The following DNAH10 variants were observed in gnomAD, a reference collection of about 807,000 sequenced individuals.
The protein encoded by DNAH10 is axonemal beta dynein heavy chain 10.
In DNAH10, 348 loss-of-function variants were observed where a neutral mutation model predicts 506.6. The ratio of observed to expected loss-of-function variants is 0.69; its 90% confidence interval spans 0.63 to 0.75. DNAH10 has a LOEUF of 0.75. Among genes scored for constraint, DNAH10 ranks in the 30% least tolerant of loss-of-function variants. The probability of loss-of-function intolerance (pLI) is 0.00; values close to 1 mark genes in which losing one functional copy is unlikely to be tolerated. For synonymous variants in DNAH10, 2,059 were observed against 2,198.6 expected, an observed-to-expected ratio of 0.94 and a Z score of 1.78; for missense variants, 5,179 against 5,787.1, an observed-to-expected ratio of 0.89 and a Z score of 3.41.
intron 53 of DNAH10, among the ~76,000 whole-genome samples, chr12:123,894,023 T>C (rs1343553985): frequency 6.6e-6 from 1 of 151,788 alleles, no homozygotes; most frequent in African/African-American, 2.4e-5. Context: ...CACCAACTTG[T>C]TGGCTATTGA....
intron 19 of DNAH10, among the ~76,000 whole-genome samples, chr12:123,809,329 C>T (rs1042610844): frequency 3.9e-5 from 6 of 152,196 alleles, no homozygotes; most frequent in Admixed American, 6.5e-5. Context: ...TCTCCACCAC[C>T]GGTGGTCAGA....
In DNAH10 at chr12:123,846,252, G is replaced by T. The variant is rs1950947416; in HGVS notation, c.5814+98G>T. On this transcript the variant is annotated intron_variant, in intron 32 of 78. Transcript: ENST00000673944. The surrounding 1 kb of genome is among the most constrained non-coding windows in gnomAD (Gnocchi z 4.5). ...ATGACTGCAGTGATTGAAATAGCAG[G>T]GGAGATCATTGCTTTGAAATCTCGA... 4.4e-6 allele frequency: 6 copies of T among 1,365,950 alleles called. No individual in the cohort carries two copies. The highest frequency in any genetic ancestry group is 1.5e-5 in the African/African-American group (1 of 68,642). 84.6% of individuals were successfully genotyped at this position (1,365,950 alleles called of 1,614,324 possible).
intron 23 of DNAH10, 108 bp downstream of exon 23, chr12:123,819,358 T>C (rs1334201118): frequency 2.5e-6 from 2 of 801,918 alleles, no homozygotes; most frequent in African/African-American, 3.5e-5. Flanking sequence ...GATTAAAATA[T>C]TTATTTCTTC....
At position 123,881,751 on chromosome 12, in the gene DNAH10, G is replaced by C; in HGVS notation, c.8761G>C (p.Gly2921Arg). Residue 2921 changes from glycine (G) to arginine (R), a missense_variant, in exon 51 of 79, where the codon GGG (glycine) becomes CGG (arginine). This residue lies in a region of DNAH10 where 4,844 missense variants were observed against 5,430.5 expected (regional missense o/e 0.89). Transcript: ENST00000673944. ...RMDRGHALLV[G>R]VGGSGKQSLS... The stretch of plus-strand genomic sequence containing the variant: ...GGACCGCGGCCACGCCCTGCTGGTC[G>C]GGGTAGGGGGCTCAGGGAAGCAGTC... 6.5e-7 allele frequency: 1 copy of C among 1,538,522 alleles called. No individual in the cohort carries two copies. Among genetic ancestry groups the C allele is most frequent in the Non-Finnish European group, 8.8e-7 (1 of 1,141,772 alleles).
rs1407654882 is a variant in DNAH10, at chr12:123,867,515, C to T, written c.7216C>T (p.Leu2406Phe). Residue 2406 changes from leucine (L) to phenylalanine (F), a missense_variant, in exon 42 of 79, where the codon CTC (leucine) becomes TTC (phenylalanine). Physicochemically the swap from Leu to Phe is conservative, Grantham distance 22 (BLOSUM62 0). Transcript: ENST00000673944. ...TCTCTTTGAGAAGTATGTGCCCTAT[C>T]TCATGGATGTGATAGTGGAAGGAAT... Reference protein sequence around the residue: ...NSLFEKYVPYLMDVIVEGIVD... With the variant: ...NSLFEKYVPYFMDVIVEGIVD... 6 of 1,613,816 alleles carry T rather than the reference C, an allele frequency of 3.7e-6. No individual in the cohort carries two copies. The highest frequency in any genetic ancestry group is 5.1e-6 in the Non-Finnish European group (6 of 1,179,882).
rs11057354 is a variant in DNAH10 at position 123,783,091 on chromosome 12, A to G, written c.842-16A>G. The G allele has an allele frequency of 0.9, 1,449,069 of 1,611,744 alleles. 652,724 individuals carry two copies. Among genetic ancestry groups the G allele is most frequent in the East Asian group, 1 (44,850 of 44,872 alleles). The stretch of plus-strand genomic sequence containing the variant: ...TTCCTGAACGAATGACTGACTGATC[A>G]CTTTTATTTTCCTAGGTGAGATCAA... On this transcript the variant is annotated splice_polypyrimidine_tract_variant and intron_variant, in intron 6 of 78. Coordinates refer to ENST00000673944, the MANE Select transcript of DNAH10 (RefSeq NM_001372106.1).
At chr12:123,838,010 G>A (rs1451842129) in intron 28 of DNAH10, among the ~76,000 whole-genome samples, 2 of 152,124 alleles carry the variant, frequency 1.3e-5, no homozygotes, top group African/African-American at 4.8e-5. Flanking sequence ...GGACATTGAG[G>A]CTATTTCTTT....
Position 123,762,519 on chromosome 12 carries a change from T to A in DNAH10, c.183T>A (p.Thr61=). ...CCTCGGCGCTCTTCATCTACCGCAC[T>A]ATGGTGCCGGAGGAGGTGGAGGTGG... The part of the protein sequence containing the change: ...EGPSALFIYR[T]MVPEEVEVEI... Residue 61 remains threonine, a synonymous_variant, in exon 1 of 79, where the codon ACT becomes ACA. Coordinates refer to ENST00000673944, the MANE Select transcript of DNAH10 (RefSeq NM_001372106.1). This position sits in a 1 kb window ranked among gnomAD's most constrained non-coding sequence, Gnocchi z 5.0. 6.4e-7 allele frequency: 1 copy of A among 1,555,782 alleles called. No homozygotes were observed. The highest frequency in any genetic ancestry group is 8.7e-7 in the Non-Finnish European group (1 of 1,150,612).
intron 51 of DNAH10, among the ~76,000 whole-genome samples, chr12:123,886,421 A>C (rs1330192791): frequency 6.6e-6 from 1 of 152,224 alleles, no homozygotes; most frequent in African/African-American, 2.4e-5. Context: ...GGCGACAGGC[A>C]GAACTGGAGA....
intron 24 of DNAH10, among the ~76,000 whole-genome samples, chr12:123,825,520 G>A (rs1316998461): frequency 6.6e-6 from 1 of 152,212 alleles, no homozygotes; most frequent in Non-Finnish European, 1.5e-5. Context: ...GAATCGTCAT[G>A]CTGAGCGAAA....
At chr12:123,829,116 A>G (rs1960270754) in intron 25 of DNAH10, among the ~76,000 whole-genome samples, 1 of 152,176 alleles carries the variant, frequency 6.6e-6, no homozygotes, top group Admixed American at 6.5e-5. Flanking sequence ...AGCAGCCCTC[A>G]CATCTGCCTT....
At chr12:123,874,606 C>CCCATCCAT (rs111763952) in intron 46 of DNAH10, among the ~76,000 whole-genome samples, 20,860 of 148,074 alleles carry the variant, frequency 0.14, 1,477 homozygotes, top group Admixed American at 0.17. Flanking sequence ...CATCCATCTA[C>CCCATCCAT]CCATCCATCC....
chr12:123,918,417 A>C (rs1044984110), intron 64 of DNAH10, among the ~76,000 whole-genome samples: 1 of 152,212 alleles, frequency 6.6e-6, no homozygotes. Context: ...GGAACCCCAT[A>C]TGGGAAGAAA....
intron 36 of DNAH10, among the ~76,000 whole-genome samples, chr12:123,854,329 C>G (rs1485569258): frequency 6.6e-6 from 1 of 152,166 alleles, no homozygotes; most frequent in Non-Finnish European, 1.5e-5. Flanking sequence ...ATGCCACTTT[C>G]AGTCTTAGCA....
At chr12:123,812,226 C>T (rs565034187) in intron 19 of DNAH10, among the ~76,000 whole-genome samples, 94 of 152,046 alleles carry the variant, frequency 6.2e-4, no homozygotes, top group Admixed American at 1.8e-3. Flanking sequence ...CCGAGGTGGG[C>T]GGATCACGAG....
At chr12:123,804,576 G>C (rs1431724665) in intron 17 of DNAH10, among the ~76,000 whole-genome samples, 1 of 151,826 alleles carries the variant, frequency 6.6e-6, no homozygotes, top group Non-Finnish European at 1.5e-5. Flanking sequence ...AGTCAACAAG[G>C]AATTCAAGAT....
chr12:123,921,359 T>G (rs1001108865), intron 65 of DNAH10, among the ~76,000 whole-genome samples: 6 of 152,254 alleles, frequency 3.9e-5, no homozygotes, highest in Admixed American at 6.5e-5. Context: ...ATATTTTCAG[T>G]ACGGTTTACC....
At position 123,902,455 on chromosome 12, in the gene DNAH10, C is replaced by T. The variant is rs920230206; in HGVS notation, c.9641-484C>T. Reference sequence around the variant, plus strand: ...AGTGGTGAAATGAAACTTCCGATTGCGATTGGTGTCATGAAGCAAGTCAGC... The same window carrying T: ...AGTGGTGAAATGAAACTTCCGATTGTGATTGGTGTCATGAAGCAAGTCAGC... On this transcript the variant is annotated intron_variant, in intron 56 of 78. Coordinates refer to ENST00000673944, the MANE Select transcript of DNAH10 (RefSeq NM_001372106.1). This position sits in a 1 kb window ranked among gnomAD's most constrained non-coding sequence, Gnocchi z 4.5. Among the ~76,000 whole-genome samples the T allele has an allele frequency of 5.3e-5, 8 of 152,184 alleles. No homozygotes were observed. The East Asian group carries it at 9.7e-4, about 18-fold the overall frequency.
chr12:123,916,335 A>G lies in DNAH10; in HGVS notation c.10723-122A>G, dbSNP rs1314561838. On this transcript the variant is annotated intron_variant, in intron 62 of 78. Transcript: ENST00000673944. This position sits in a 1 kb window ranked among gnomAD's most constrained non-coding sequence, Gnocchi z 4.6. ...TACCCCTTGCTTCTCTCTTCTTTTC[A>G]CCTCTGGCCCCCTCCAAGTTCCTGG... 18 of 1,289,698 alleles carry G rather than the reference A, an allele frequency of 1.4e-5. No individual in the cohort carries two copies. Among genetic ancestry groups the G allele is most frequent in the South Asian group, 1.2e-4 (8 of 68,994 alleles). The allele number at this position is 1,289,698 out of a possible 1,614,324, so 79.9% of individuals were successfully genotyped here.
Sources: allele counts gnomAD v4.1 joint callset (sites outside exome capture counted in the v4.1 genomes callset), GRCh38; gene constraint gnomAD v4.1.1; regional missense constraint gnomAD v4.1.1; non-coding constraint Gnocchi (gnomAD v3.1); transcripts MANE v1.5; gene names NCBI Gene and HGNC (gene_info 2026-07-23, HGNC 2026-07-21).